MAGI2: variants seen among roughly 807,000 people sequenced by gnomAD.
MAGI2 encodes the protein membrane associated guanylate kinase, WW and PDZ domain containing 2, also known as membrane-associated guanylate kinase, WW and PDZ domain-containing protein 2.
In MAGI2, 35 loss-of-function variants were observed where a neutral mutation model predicts 133.3. The ratio of observed to expected loss-of-function variants is 0.26; its 90% confidence interval spans 0.20 to 0.35. The LOEUF is 0.35. Ranked by LOEUF, MAGI2 falls within the 10% of genes least tolerant of loss-of-function variation. The pLI, the probability that MAGI2 is intolerant of heterozygous loss-of-function variation, is 1.00. For synonymous variants in MAGI2, 729 were observed against 710.6 expected, an observed-to-expected ratio of 1.03 and a Z score of -0.41; for missense variants, 1,636 against 1,863.4, an observed-to-expected ratio of 0.88 and a Z score of 2.25.
intron 6 of MAGI2, among the ~76,000 whole-genome samples, chr7:78,449,268 C>T (rs868371986): frequency 4.6e-5 from 7 of 151,944 alleles, no homozygotes; most frequent in African/African-American, 4.8e-5. Context: ...CCAGAAGAGC[C>T]GTATTTCTTG....
chr7:78,627,718 T>C (rs991303966), intron 2 of MAGI2, among the ~76,000 whole-genome samples: 30 of 152,312 alleles, frequency 2.0e-4, no homozygotes, highest in African/African-American at 7.2e-4. Context: ...GGAGGACTGT[T>C]TGTTGGTTTT....
intron 2 of MAGI2, among the ~76,000 whole-genome samples, chr7:78,700,415 GT>G (rs1207366746): frequency 6.6e-6 from 1 of 152,034 alleles, no homozygotes; most frequent in African/African-American, 2.4e-5. Flanking sequence ...GAAGCTTCTT[GT>G]TTATCTTCTT....
chr7:78,637,420 T>C (rs1454405277), intron 2 of MAGI2, among the ~76,000 whole-genome samples: 1 of 143,068 alleles, frequency 7.0e-6, no homozygotes, highest in Non-Finnish European at 1.5e-5. Flanking sequence ...CAGTGATACA[T>C]GATAATATGT....
At chr7:78,384,238 T>C (rs1214002762) in intron 6 of MAGI2, among the ~76,000 whole-genome samples, 1 of 152,150 alleles carries the variant, frequency 6.6e-6, no homozygotes, top group Non-Finnish European at 1.5e-5. Context: ...TAATGTAACA[T>C]ATTTTGTGAG....
intron 1 of MAGI2, among the ~76,000 whole-genome samples, chr7:79,241,942 C>T (rs745505543): frequency 2.0e-5 from 3 of 152,146 alleles, no homozygotes; most frequent in African/African-American, 7.2e-5. Flanking sequence ...AATTCCCCAA[C>T]GAATCAGCAG....
At chr7:78,136,305 A>G (rs1443671932) in intron 16 of MAGI2, among the ~76,000 whole-genome samples, 2 of 152,034 alleles carry the variant, frequency 1.3e-5, no homozygotes, top group African/African-American at 4.8e-5. Context: ...TATTTTTAGT[A>G]GAGTCGGGGT....
At chr7:79,162,072 T>C (rs1216890363) in intron 1 of MAGI2, among the ~76,000 whole-genome samples, 1 of 151,636 alleles carries the variant, frequency 6.6e-6, no homozygotes, top group Non-Finnish European at 1.5e-5. Context: ...AAAAAGCAGC[T>C]CAAGAAATTG....
At chr7:78,604,442 C>G (rs1310248583) in intron 3 of MAGI2, among the ~76,000 whole-genome samples, 1 of 152,174 alleles carries the variant, frequency 6.6e-6, no homozygotes, top group Non-Finnish European at 1.5e-5. Flanking sequence ...TACTGGCCGC[C>G]TTTTATCCCC....
chr7:78,543,215 G>T (rs1798553409), intron 3 of MAGI2, among the ~76,000 whole-genome samples: 1 of 152,198 alleles, frequency 6.6e-6, no homozygotes, highest in Non-Finnish European at 1.5e-5. Flanking sequence ...TTATGTGAAT[G>T]TAGAGAGAAA....
intron 10 of MAGI2, among the ~76,000 whole-genome samples, chr7:78,212,955 G>A (rs1324967988): frequency 5.3e-5 from 8 of 152,130 alleles, no homozygotes; most frequent in South Asian, 4.1e-4. Flanking sequence ...GGATTACAGC[G>A]TGAGCCACCA....
chr7:78,670,810 C>T (rs1814287410), intron 2 of MAGI2, among the ~76,000 whole-genome samples: 1 of 152,060 alleles, frequency 6.6e-6, no homozygotes, highest in South Asian at 2.1e-4. Flanking sequence ...TTTTTGTCTG[C>T]TATCTAACTT....
intron 21 of MAGI2, among the ~76,000 whole-genome samples, chr7:78,070,552 GTA>G (rs1283267173): frequency 1.9e-5 from 2 of 106,202 alleles, no homozygotes; most frequent in African/African-American, 7.8e-5. Context: ...GTATATATGT[GTA>G]TATATGTATA....
At chr7:78,716,305 A>G (rs1225865690) in intron 2 of MAGI2, among the ~76,000 whole-genome samples, 1 of 152,204 alleles carries the variant, frequency 6.6e-6, no homozygotes, top group African/African-American at 2.4e-5. Context: ...TAGTGTATGC[A>G]TGTATCAATC....
chr7:79,400,675 T>C (rs772397201), intron 1 of MAGI2, among the ~76,000 whole-genome samples: 19 of 152,166 alleles, frequency 1.2e-4, no homozygotes, highest in Non-Finnish European at 2.4e-4. Context: ...ATTTGTTCCA[T>C]TGGATTCAAG....
chr7:79,395,852 T>A (rs1481801246), intron 1 of MAGI2, among the ~76,000 whole-genome samples: 5 of 152,156 alleles, frequency 3.3e-5, no homozygotes, highest in Admixed American at 3.3e-4. Flanking sequence ...GACCATTCAA[T>A]GTAAGGAGAA....
chr7:79,077,740 G>A (rs1047386566), intron 1 of MAGI2, among the ~76,000 whole-genome samples: 9 of 151,604 alleles, frequency 5.9e-5, no homozygotes, highest in Non-Finnish European at 1.3e-4. Context: ...ATTATTTTCC[G>A]TGATTAATAA....
chr7:78,763,731 AT>A (rs56152655), intron 2 of MAGI2, among the ~76,000 whole-genome samples: 44,491 of 151,978 alleles, frequency 0.29, 6,776 homozygotes, highest in South Asian at 0.47. Flanking sequence ...GTACAAAAAA[AT>A]AAGACATATA....
At chr7:78,399,250 G>GCA (rs1016712119) in intron 6 of MAGI2, among the ~76,000 whole-genome samples, 1 of 151,902 alleles carries the variant, frequency 6.6e-6, no homozygotes, top group Non-Finnish European at 1.5e-5. Flanking sequence ...GCGGGTGTGT[G>GCA]CACACACACA....
chr7:78,081,441 G>A (rs958682792), intron 20 of MAGI2, among the ~76,000 whole-genome samples: 8 of 152,318 alleles, frequency 5.3e-5, no homozygotes, highest in Non-Finnish European at 1.2e-4. Context: ...CTATGACAGA[G>A]GCATTCACAA....
Sources: allele counts gnomAD v4.1 joint callset (sites outside exome capture counted in the v4.1 genomes callset), GRCh38; gene constraint gnomAD v4.1.1; transcripts MANE v1.5; gene names NCBI Gene and HGNC (gene_info 2026-07-23, HGNC 2026-07-21).